The following TRIB3 variants were observed in gnomAD, a reference collection of about 807,000 sequenced individuals.
TRIB3 encodes the protein tribbles pseudokinase 3, also known as tribbles homolog 3.
TRIB3 carries 20 observed loss-of-function variants against 16.6 expected under a neutral mutation model. The ratio of observed to expected loss-of-function variants is 1.20; its 90% CI spans 0.85 to 1.75. The LOEUF is 1.75. Among genes scored for constraint, TRIB3 ranks in the 40% most tolerant of loss-of-function variants. The pLI, the probability that TRIB3 is intolerant of heterozygous loss-of-function variation, is 0.00. For synonymous variants in TRIB3, 208 were observed against 217.0 expected, an observed-to-expected ratio of 0.96 and a Z score of 0.36; for missense variants, 484 against 488.9, an observed-to-expected ratio of 0.99 and a Z score of 0.10.
At chr20:382,126 T>TGTGTGTGC (rs1374416475) in intron 1 of TRIB3, among the ~76,000 whole-genome samples, 2,570 of 83,868 alleles carry the variant, frequency 0.031, 37 homozygotes, top group Middle Eastern at 0.13. Flanking sequence ...TGTGTGTGTG[T>TGTGTGTGC]GCGTGCGCGC....
At chr20:382,584 G>A in intron 1 of TRIB3, 1 of 1,535,496 alleles carries the variant, frequency 6.5e-7, no homozygotes. Flanking sequence ...ATAACAGGAT[G>A]AGTGCTAATA....
rs1336161436 is a variant in TRIB3, at chr20:396,293, G to C, written c.680G>C (p.Gly227Ala). ...AAGCACGCGTGCCCAGCCTACGTGG[G>C]ACCTGAGATACTCAGCTCACGGGCC... The part of the protein sequence containing the change: ...WDKHACPAYV[G>A]PEILSSRASY... Residue 227 changes from glycine to alanine, a missense_variant, in exon 4 of 4, where the codon GGA becomes GCA. By Grantham distance (60) the Gly-to-Ala change is moderately conservative. Coordinates refer to ENST00000217233, the MANE Select transcript of TRIB3 (RefSeq NM_021158.5). 6.2e-7 allele frequency: 1 copy of C among 1,613,872 alleles called. No homozygotes were observed. Among genetic ancestry groups the C allele is most frequent in the Admixed American group, 1.7e-5 (1 of 60,018 alleles).
At chr20:387,699 G>T (rs554693411) in intron 1 of TRIB3, among the ~76,000 whole-genome samples, 1 of 152,200 alleles carries the variant, frequency 6.6e-6, no homozygotes, top group East Asian at 1.9e-4. Context: ...GTAGTATTCT[G>T]CTGTATGGCT....
intron 3 of TRIB3, among the ~76,000 whole-genome samples, chr20:393,569 A>T (rs1421183470): frequency 6.6e-6 from 1 of 152,148 alleles, no homozygotes; most frequent in Non-Finnish European, 1.5e-5. Context: ...TGCCTGCCTC[A>T]GCCTCCCAAA....
chr20:392,007 GTGAGATTCC>G (rs1360707882), intron 3 of TRIB3, among the ~76,000 whole-genome samples: 1 of 151,054 alleles, frequency 6.6e-6, no homozygotes, highest in Admixed American at 6.6e-5. Context: ...CGGCAACAGA[GTGAGATTCC>G]ATCTCAAAAA....
chr20:387,104 G>T (rs1006296271), intron 1 of TRIB3, among the ~76,000 whole-genome samples: 2 of 152,106 alleles, frequency 1.3e-5, no homozygotes, highest in Admixed American at 1.3e-4. Flanking sequence ...GGCCAAACAT[G>T]GTGACTCACA....
intron 2 of TRIB3, among the ~76,000 whole-genome samples, chr20:391,000 T>TC (rs1555780814): frequency 1.0e-4 from 3 of 28,592 alleles, no homozygotes; most frequent in Non-Finnish European, 1.6e-4. Context: ...AGACTCCGTC[T>TC]CAAAAAAAAA....
rs771026278 is a variant in TRIB3 at position 388,074 on chromosome 20, G to A, written c.64G>A (p.Asp22Asn). 3 of 1,614,136 alleles carry A rather than the reference G, an allele frequency of 1.9e-6. No homozygotes were observed. The South Asian group carries it at 3.3e-5, about 18-fold the overall frequency. Reference sequence around the variant, plus strand: ...GTCCAGGAAGAAGCGGTTGGAGTTGGATGACAACTTAGATACCGAGCGTCC... The same window carrying A: ...GTCCAGGAAGAAGCGGTTGGAGTTGAATGACAACTTAGATACCGAGCGTCC... ...SLSRKKRLEL[D>N]DNLDTERPVQ... Residue 22 changes from aspartate to asparagine, a missense_variant, in exon 2 of 4, where the codon GAT becomes AAT. By Grantham distance (23) the Asp-to-Asn change is conservative. Coordinates refer to ENST00000217233, the MANE Select transcript of TRIB3 (RefSeq NM_021158.5).
chr20:390,807 G>C (rs931331838), intron 2 of TRIB3, among the ~76,000 whole-genome samples: 31 of 152,012 alleles, frequency 2.0e-4, no homozygotes, highest in Non-Finnish European at 4.4e-5. Context: ...TTCGAGACCA[G>C]CTTAGCCAAC....
In TRIB3 at chr20:381,019, C is replaced by T. The variant is rs1469771979; in HGVS notation, c.-151C>T. The T allele has an allele frequency of 2.0e-5, 3 of 152,314 alleles. No individual in the cohort carries two copies. Among genetic ancestry groups the T allele is most frequent in the African/African-American group, 7.2e-5 (3 of 41,588 alleles). The allele number at this position is 152,314 out of a possible 1,614,324, so 9.4% of individuals were successfully genotyped here. Reference sequence around the variant, plus strand: ...ACTCGCAGCGGAAGTGGAGGCGGCTCCGCGCGCGTCCGCTGCTAGGACCCG... The same window carrying T: ...ACTCGCAGCGGAAGTGGAGGCGGCTTCGCGCGCGTCCGCTGCTAGGACCCG... On this transcript the variant is annotated 5_prime_UTR_variant, in exon 1 of 4. Transcript: ENST00000217233.
chr20:382,776 G>A (rs77354291), intron 1 of TRIB3: 7,605 of 650,042 alleles, frequency 0.012, 374 homozygotes, highest in African/African-American at 0.11. Context: ...GAAAGGGTTT[G>A]AGACAGGATT....
chr20:396,274 G>A lies in TRIB3; in HGVS notation c.661G>A (p.Ala221Thr), dbSNP rs755506046. The A allele has an allele frequency of 1.1e-5, 18 of 1,613,796 alleles. No homozygotes were observed. The highest frequency in any genetic ancestry group is 3.3e-4 in the Middle Eastern group (2 of 6,064). Residue 221 changes from alanine to threonine, a missense_variant, in exon 4 of 4, where the codon GCG (alanine) becomes ACG (threonine). Transcript: ENST00000217233. ...GPDDSLWDKH[A>T]CPAYVGPEIL... Reference sequence around the variant, plus strand: ...AGATGATTCCCTGTGGGACAAGCACGCGTGCCCAGCCTACGTGGGACCTGA... The same window carrying A: ...AGATGATTCCCTGTGGGACAAGCACACGTGCCCAGCCTACGTGGGACCTGA...
At chr20:387,332 AAG>A (rs897460269) in intron 1 of TRIB3, among the ~76,000 whole-genome samples, 1 of 152,160 alleles carries the variant, frequency 6.6e-6, no homozygotes, top group Non-Finnish European at 1.5e-5. Flanking sequence ...CTGTAATAGT[AAG>A]AGTCTCCTCC....
rs2014629722 is a variant in TRIB3 at position 381,149 on chromosome 20, C to G, written c.-21C>G. On this transcript the variant is annotated 5_prime_UTR_variant, in exon 1 of 4. Coordinates refer to ENST00000217233, the MANE Select transcript of TRIB3 (RefSeq NM_021158.5). ...TCTGAGCCCCGGCGGCGCCCGGGCC[C>G]ACGCGGAACGACGGGGCGAGGTACT... 1 of 151,884 alleles carries G rather than the reference C, an allele frequency of 6.6e-6. No homozygotes were observed. The highest frequency in any genetic ancestry group is 2.1e-4 in the South Asian group (1 of 4,826). 9.4% of individuals were successfully genotyped at this position (151,884 alleles called of 1,614,324 possible). A position where few individuals can be genotyped will look rare whatever the true frequency, so the allele number is the denominator to read the frequency against.
At chr20:382,421 C>T in intron 1 of TRIB3, 3 of 1,082,616 alleles carry the variant, frequency 2.8e-6, no homozygotes, top group Non-Finnish European at 4.0e-6. Flanking sequence ...CAGGCAGTCT[C>T]CTGCTGCACA....
At chr20:385,044 C>T (rs762796760) in intron 1 of TRIB3, among the ~76,000 whole-genome samples, 1 of 152,204 alleles carries the variant, frequency 6.6e-6, no homozygotes, top group Non-Finnish European at 1.5e-5. Context: ...GGACCACTAA[C>T]CACCTCTGCC....
At position 390,902 on chromosome 20, in the gene TRIB3, T is replaced by C. The variant is rs571163730; in HGVS notation, c.292-385T>C. Reference sequence around the variant, plus strand: ...CTGTAATCCCAGCTACACTGGGGGCTGAAGCGGGAGAATCACTTGAATCCA... The same window carrying C: ...CTGTAATCCCAGCTACACTGGGGGCCGAAGCGGGAGAATCACTTGAATCCA... On this transcript the variant is annotated intron_variant, in intron 2 of 3. Coordinates refer to ENST00000217233, the MANE Select transcript of TRIB3 (RefSeq NM_021158.5). Among the ~76,000 whole-genome samples the C allele has an allele frequency of 2.9e-3, 437 of 148,896 alleles. 1 individual carries two copies. The highest frequency in any genetic ancestry group is 4.5e-3 in the Non-Finnish European group (305 of 67,818).
At position 396,399 on chromosome 20, in the gene TRIB3, G is replaced by A. The variant is rs1466973490; in HGVS notation, c.786G>A (p.Gln262=). 15 of 1,613,250 alleles carry A rather than the reference G, an allele frequency of 9.3e-6. No individual in the cohort carries two copies. The highest frequency in any genetic ancestry group is 1.2e-5 in the Non-Finnish European group (14 of 1,180,038). Residue 262 remains glutamine, a synonymous_variant, in exon 4 of 4, where the codon CAG becomes CAA. Coordinates refer to ENST00000217233, the MANE Select transcript of TRIB3 (RefSeq NM_021158.5). ...TGCTGGCCGGCCACTACCCCTTCCA[G>A]GACTCGGAGCCTGTCCTGCTCTTCG... The part of the protein sequence containing the change: ...FTMLAGHYPF[Q]DSEPVLLFGK...
rs966171299 is a variant in TRIB3 at position 396,736 on chromosome 20, G to T, written c.*46G>T. 1.9e-6 allele frequency: 3 copies of T among 1,554,808 alleles called. No homozygotes were observed. In the African/African-American group the frequency reaches 4.1e-5, roughly 21 times the overall value. ...AGCTGCCAACAGTGGATTGAGTTTG[G>T]GGGTAGCTCCAAGCCTTCTCCTGCC... is the stretch of plus-strand genomic sequence containing the variant. On this transcript the variant is annotated 3_prime_UTR_variant, in exon 4 of 4. Transcript: ENST00000217233.
Sources: gnomAD v4.1 joint callset for allele counts (sites outside exome capture counted in the v4.1 genomes callset) on GRCh38, gnomAD v4.1.1 for gene constraint, MANE v1.5 for transcripts, NCBI Gene and HGNC (gene_info 2026-07-23, HGNC 2026-07-21) for gene names.